The following DPP6 variants were observed in gnomAD, a reference collection of about 807,000 sequenced individuals.
DPP6 encodes A-type potassium channel modulatory protein DPP6.
Under a neutral mutation model 122.6 loss-of-function variants are expected in DPP6, and 69 were observed. That is an observed-to-expected ratio of 0.56 (90% CI 0.46 to 0.69). The LOEUF (loss-of-function observed/expected upper bound fraction) is 0.69, where lower values mean the gene tolerates loss of function less well. DPP6 is among the 30% of genes least tolerant of loss of function. DPP6 has a pLI of 0.00. For missense variants in DPP6, 928 were observed against 1,116.9 expected (o/e 0.83, Z 2.41); for synonymous variants, 418 against 433.1 (o/e 0.97, Z 0.43).
intron 3 of DPP6, among the ~76,000 whole-genome samples, chr7:154,479,595 A>AG (rs1823073390): frequency 1.3e-5 from 2 of 151,374 alleles, no homozygotes; most frequent in Admixed American, 1.3e-4. Flanking sequence ...GAAAAAGAAA[A>AG]GGCTCACTCT....
At chr7:154,566,662 T>A (rs988512233) in intron 4 of DPP6, among the ~76,000 whole-genome samples, 180 bp from the exon 5 acceptor site, 2 of 152,050 alleles carry the variant, frequency 1.3e-5, no homozygotes, top group African/African-American at 4.8e-5. Flanking sequence ...TGAAAAAAAA[T>A]ACAAATAAAA....
At chr7:154,123,894 C>T (rs1481093609) in intron 1 of DPP6, among the ~76,000 whole-genome samples, 1 of 151,244 alleles carries the variant, frequency 6.6e-6, no homozygotes, top group African/African-American at 2.4e-5. Flanking sequence ...ATGTGCCACC[C>T]GCTCACTATG....
Position 153,991,680 on chromosome 7 carries a change from G to A in DPP6, c.51+103946G>A, listed in dbSNP as rs139574836. Among the ~76,000 whole-genome samples, 919 of 152,280 alleles carry A rather than the reference G, an allele frequency of 6.0e-3. 4 individuals are homozygous for A. Among genetic ancestry groups the A allele is most frequent in the Non-Finnish European group, 0.011 (719 of 68,030 alleles). On this transcript the variant is annotated intron_variant, in intron 1 of 25. Coordinates refer to the DPP6 transcript ENST00000404039. ...GGCCCAAGGGACCAGTCTGGAGCACGCAGCCATCCTGAGTAATTCACAGTC... is the reference window on the plus strand; with the variant it reads ...GGCCCAAGGGACCAGTCTGGAGCACACAGCCATCCTGAGTAATTCACAGTC...
At chr7:154,040,978 G>A (rs1203363705) in intron 1 of DPP6, among the ~76,000 whole-genome samples, 1 of 151,700 alleles carries the variant, frequency 6.6e-6, no homozygotes, top group Non-Finnish European at 1.5e-5. Context: ...AGGGCAACAG[G>A]GTTTTGCCTT....
intron 7 of DPP6, among the ~76,000 whole-genome samples, chr7:154,724,501 C>T (rs896615912): frequency 6.6e-6 from 1 of 152,220 alleles, no homozygotes; most frequent in Admixed American, 6.5e-5. Context: ...TGAGGCCTGG[C>T]TCCCTTCTCT....
At chr7:154,221,381 T>A (rs907802088) in intron 1 of DPP6, among the ~76,000 whole-genome samples, 6 of 152,122 alleles carry the variant, frequency 3.9e-5, no homozygotes, top group African/African-American at 1.4e-4. Flanking sequence ...CCTCAAATGA[T>A]CCACCCACTT....
At chr7:154,399,430 C>A (rs1815374297) in intron 1 of DPP6, among the ~76,000 whole-genome samples, 1 of 152,108 alleles carries the variant, frequency 6.6e-6, no homozygotes, top group Non-Finnish European at 1.5e-5. Flanking sequence ...ATTATTATTT[C>A]TATAAAATGA....
rs558197273 is a variant in DPP6 at position 154,586,286 on chromosome 7, T to A, written c.627+19370T>A. Among the ~76,000 whole-genome samples the A allele has an allele frequency of 6.6e-5, 10 of 152,232 alleles. 1 individual carries two copies. The South Asian group carries it at 1.9e-3, about 28-fold the overall frequency. ...GAGGATTATTTGACCTTAAAAAAAA[T>A]TGTTCTGTTGAACTTATTGCCTTGA... On this transcript the variant is annotated intron_variant, in intron 5 of 25. Transcript: ENST00000377770.
chr7:154,882,917 T>TGGG (rs72350352), intron 21 of DPP6, among the ~76,000 whole-genome samples: 49,570 of 151,876 alleles, frequency 0.33, 8,314 homozygotes, highest in East Asian at 0.5. Flanking sequence ...TGGTTGATCT[T>TGGG]GGAGTTTGGC....
At chr7:154,000,079 G>A (rs2861470) in intron 1 of DPP6, among the ~76,000 whole-genome samples, 10 of 152,128 alleles carry the variant, frequency 6.6e-5, no homozygotes, top group South Asian at 2.1e-4. Flanking sequence ...TTACAATACC[G>A]TATGTGTTTA....
At chr7:154,305,149 A>C in intron 1 of DPP6, 1 of 667,510 alleles carries the variant, frequency 1.5e-6, no homozygotes, top group Non-Finnish European at 1.9e-6. Flanking sequence ...GCGAGGAGGC[A>C]GCGCGCATCA....
chr7:154,556,950 A>G (rs1830087756), intron 4 of DPP6, among the ~76,000 whole-genome samples: 1 of 152,170 alleles, frequency 6.6e-6, no homozygotes, highest in Non-Finnish European at 1.5e-5. Flanking sequence ...CACTATTGGC[A>G]CTTGGTGAGA....
In DPP6 at chr7:154,403,050, C is replaced by G. The variant is rs990951962; in HGVS notation, c.244-43164C>G. ...AACAGAGATGCTAATAGCTAATTATCAGAGTTATTTATATGACTGTGTCAG... is the reference window on the plus strand; with the variant it reads ...AACAGAGATGCTAATAGCTAATTATGAGAGTTATTTATATGACTGTGTCAG... On this transcript the variant is annotated intron_variant, in intron 1 of 25. Coordinates refer to ENST00000377770, the MANE Select transcript of DPP6 (RefSeq NM_130797.4). This position sits in a 1 kb window ranked among gnomAD's most constrained non-coding sequence, Gnocchi z 4.1. Among the ~76,000 whole-genome samples the G allele has an allele frequency of 6.6e-6, 1 of 152,190 alleles. No homozygotes were observed. Among genetic ancestry groups the G allele is most frequent in the Non-Finnish European group, 1.5e-5 (1 of 68,042 alleles).
chr7:154,054,403 G>C (rs1800647283), intron 1 of DPP6, among the ~76,000 whole-genome samples: 1 of 151,824 alleles, frequency 6.6e-6, no homozygotes, highest in Non-Finnish European at 1.5e-5. Context: ...TGTTGTTATT[G>C]GTAGTTTTTG....
chr7:154,697,659 G>A (rs1366838333), intron 7 of DPP6, among the ~76,000 whole-genome samples: 1 of 152,182 alleles, frequency 6.6e-6, no homozygotes, highest in Admixed American at 6.5e-5. Flanking sequence ...TTTCTCTGTT[G>A]ATATAAAGAC....
At chr7:154,641,282 C>T (rs879349385) in intron 6 of DPP6, among the ~76,000 whole-genome samples, 7 of 152,094 alleles carry the variant, frequency 4.6e-5, no homozygotes, top group Non-Finnish European at 1.0e-4. Flanking sequence ...TTTGACATAC[C>T]AAGCTTCCAA....
At chr7:153,792,839 CCA>C in the DPP6 span, among the ~76,000 whole-genome samples, 1 of 151,520 alleles carries the variant, frequency 6.6e-6, no homozygotes, top group Non-Finnish European at 1.5e-5. Context: ...ATCATGGGGG[CCA>C]GTCTTTCCCA....
intron 7 of DPP6, among the ~76,000 whole-genome samples, chr7:154,704,306 A>G (rs1159213327): frequency 1.3e-5 from 2 of 152,230 alleles, no homozygotes; most frequent in Admixed American, 6.5e-5. Flanking sequence ...ACGAGCAAAG[A>G]AAGTGTTTCT....
At chr7:154,852,080 T>C (rs1033463973) in intron 16 of DPP6, among the ~76,000 whole-genome samples, 4 of 152,100 alleles carry the variant, frequency 2.6e-5, no homozygotes, top group Non-Finnish European at 5.9e-5. Context: ...TGCCACATGC[T>C]CTTTGGGCCC....
Sources: allele counts gnomAD v4.1 joint callset (sites outside exome capture counted in the v4.1 genomes callset), GRCh38; gene constraint gnomAD v4.1.1; non-coding constraint Gnocchi (gnomAD v3.1); transcripts MANE v1.5; gene names NCBI Gene and HGNC (gene_info 2026-07-23, HGNC 2026-07-21).